Variants in TBC1D16 observed in about 807,000 individuals in gnomAD.
TBC1D16 encodes the protein TBC1 domain family member 16.
A neutral mutation model predicts 74.7 loss-of-function variants in TBC1D16; 58 were observed. That is an observed-to-expected ratio of 0.78 (90% CI 0.63 to 0.97). The LOEUF is 0.97. Among genes scored for constraint, TBC1D16 ranks in the 50% least tolerant of loss-of-function variants. TBC1D16 has a pLI of 0.00. For synonymous variants in TBC1D16, 493 were observed against 474.7 expected, an observed-to-expected ratio of 1.04 and a Z score of -0.50; for missense variants, 1,014 against 1,079.5, an observed-to-expected ratio of 0.94 and a Z score of 0.85.
At position 79,947,828 on chromosome 17, in the gene TBC1D16, C is replaced by T; in HGVS notation, c.1545G>A (p.Arg515=). 1.2e-6 allele frequency: 2 copies of T among 1,612,710 alleles called. No individual in the cohort carries two copies. The highest frequency in any genetic ancestry group is 1.7e-6 in the Non-Finnish European group (2 of 1,179,514). The part of the protein sequence containing the change: ...EDNPNVESMR[R]ILLNYAVYNP... The stretch of plus-strand genomic sequence containing the variant: ...TGTACACGGCGTAGTTCAGCAGGAT[C>T]CTCCTGGGAGGCGGTGGAGACAGCA... The change falls in exon 9 of 12, where the codon AGG becomes AGA. Residue 515 remains arginine, a synonymous_variant. Transcript: ENST00000310924.
chr17:79,957,171 T>C (rs1002260360), intron 3 of TBC1D16, among the ~76,000 whole-genome samples: 7 of 151,934 alleles, frequency 4.6e-5, no homozygotes, highest in African/African-American at 1.7e-4. Flanking sequence ...GAGCAGGGCG[T>C]GTTCGGTGTG....
chr17:79,969,120 C>G (rs2033966871), intron 3 of TBC1D16, among the ~76,000 whole-genome samples: 1 of 152,180 alleles, frequency 6.6e-6, no homozygotes, highest in South Asian at 2.1e-4. Context: ...AGCGTGGTGG[C>G]TCACGCCTGT....
rs1372245554 is a variant in TBC1D16, at chr17:79,980,494, GAC to G, written c.780-27678_780-27677del. ...TGTAACCAGGGTTTGTCCAGAAAAAGACACAGAACCCGCAGGCCCTGGAGGAC... is the reference window on the plus strand; with the variant it reads ...TGTAACCAGGGTTTGTCCAGAAAAAGACAGAACCCGCAGGCCCTGGAGGAC... On this transcript the variant is annotated intron_variant, in intron 3 of 11. Coordinates refer to ENST00000310924, the MANE Select transcript of TBC1D16 (RefSeq NM_019020.4). The surrounding 1 kb of genome is among the most constrained non-coding windows in gnomAD (Gnocchi z 7.0). Among the ~76,000 whole-genome samples the G allele has an allele frequency of 6.6e-6, 1 of 152,180 alleles. No individual in the cohort carries two copies.
chr17:80,013,691 G>A (rs1598427930), intron 1 of TBC1D16, 82 bp from the exon 2 acceptor site: 5 of 811,124 alleles, frequency 6.2e-6, no homozygotes, highest in East Asian at 5.7e-5. Context: ...CTCGGCACCC[G>A]GTGGGTTCTG....
chr17:80,009,623 G>C lies in TBC1D16; in HGVS notation c.779+537C>G, dbSNP rs138557062. Among the ~76,000 whole-genome samples, 15 of 152,356 alleles carry C rather than the reference G, an allele frequency of 9.8e-5. No homozygotes were observed. The highest frequency in any genetic ancestry group is 2.9e-4 in the African/African-American group (12 of 41,598). On this transcript the variant is annotated intron_variant, in intron 3 of 11. Coordinates refer to ENST00000310924, the MANE Select transcript of TBC1D16 (RefSeq NM_019020.4). The surrounding 1 kb of genome is among the most constrained non-coding windows in gnomAD (Gnocchi z 5.4). ...GACTACATCCATCCTCCACAGCTAT[G>C]AGAAAGAGGGAGGCTGAAGCCTCCG... is the stretch of plus-strand genomic sequence containing the variant.
At position 79,947,912 on chromosome 17, in the gene TBC1D16, G is replaced by A. The variant is rs2032696041; in HGVS notation, c.1542-81C>T. On this transcript the variant is annotated intron_variant, in intron 8 of 11. Transcript: ENST00000310924. ...CCCAGCCTGCAGAACCCTGGGCCGT[G>A]GACCCTGCCTTCCCTCGCTTGCCTT... 3 of 1,223,014 alleles carry A rather than the reference G, an allele frequency of 2.5e-6. No homozygotes were observed. In the East Asian group the frequency reaches 7.6e-5, roughly 31 times the overall value. 75.8% of individuals were successfully genotyped at this position (1,223,014 alleles called of 1,614,324 possible). A position where few individuals can be genotyped will look rare whatever the true frequency, so the allele number is the denominator to read the frequency against.
rs141221910 is a variant in TBC1D16 at position 80,010,327 on chromosome 17, G to T, written c.612C>A (p.Pro204=). 6.2e-7 allele frequency: 1 copy of T among 1,610,706 alleles called. No individual in the cohort carries two copies. Among genetic ancestry groups the T allele is most frequent in the Admixed American group, 1.7e-5 (1 of 59,686 alleles). The change falls in exon 3 of 12, where the codon CCC becomes CCA. Residue 204 remains proline (P), a synonymous_variant. Transcript: ENST00000310924. The surrounding 1 kb of genome is among the most constrained non-coding windows in gnomAD (Gnocchi z 8.8). ...AAGAGCCATCCTCCTCCCCGGCCTC[G>T]GGCCGCGGCTCCCGCCCCTCCTCGG... ...DVTEEGREPR[P]EAGEEDGSLE...
chr17:79,995,771 C>A (rs540327504), intron 3 of TBC1D16, among the ~76,000 whole-genome samples: 9 of 151,726 alleles, frequency 5.9e-5, no homozygotes, highest in African/African-American at 2.2e-4. Flanking sequence ...GGCGACAGAG[C>A]GAAACTCTGT....
At chr17:80,024,627 G>GA (rs2036474274) in intron 1 of TBC1D16, among the ~76,000 whole-genome samples, 16 of 21,840 alleles carry the variant, frequency 7.3e-4, no homozygotes, top group Admixed American at 3.5e-3. Flanking sequence ...CACACCATAA[G>GA]CACACACACC....
chr17:80,024,531 A>G, intron 1 of TBC1D16, among the ~76,000 whole-genome samples: 1 of 149,698 alleles, frequency 6.7e-6, no homozygotes, highest in Non-Finnish European at 1.5e-5. Context: ...CACCATGCAC[A>G]CACCACACAC....
chr17:79,996,659 T>C (rs1272322576), intron 3 of TBC1D16, among the ~76,000 whole-genome samples: 2 of 152,066 alleles, frequency 1.3e-5, no homozygotes, highest in Non-Finnish European at 2.9e-5. Flanking sequence ...GGCGGGAGGA[T>C]TGCTTGAGCC....
chr17:80,008,609 G>A lies in TBC1D16; in HGVS notation c.779+1551C>T, dbSNP rs556345271. Among the ~76,000 whole-genome samples, 28 of 152,214 alleles carry A rather than the reference G, an allele frequency of 1.8e-4. No homozygotes were observed. The highest frequency in any genetic ancestry group is 5.5e-4 in the African/African-American group (23 of 41,548). On this transcript the variant is annotated intron_variant, in intron 3 of 11. Transcript: ENST00000310924. The surrounding 1 kb of genome is among the most constrained non-coding windows in gnomAD (Gnocchi z 4.5). ...GGAGCTCCGACTGAGTCCGGCCTGC[G>A]GGACCCAGGCCAGGACCAGAGTTCG...
chr17:79,951,406 G>A (rs900880642), intron 5 of TBC1D16, 44 bp downstream of exon 5: 53 of 1,598,338 alleles, frequency 3.3e-5, no homozygotes, highest in Non-Finnish European at 4.4e-5. Flanking sequence ...TGGGGGGTGG[G>A]GAGTGTCAAC....
Position 79,956,134 on chromosome 17 carries a change from C to T in TBC1D16, c.780-3316G>A, listed in dbSNP as rs1429051309. ...TCAATGGAGGCCGTTCCAGACCCTC[C>T]GCCCACCCAAGCCTCCTGGTGGCTG... On this transcript the variant is annotated intron_variant, in intron 3 of 11. Coordinates refer to ENST00000310924, the MANE Select transcript of TBC1D16 (RefSeq NM_019020.4). This position sits in a 1 kb window ranked among gnomAD's most constrained non-coding sequence, Gnocchi z 4.0. Among the ~76,000 whole-genome samples the T allele has an allele frequency of 5.3e-5, 8 of 152,230 alleles. No homozygotes were observed. Among genetic ancestry groups the T allele is most frequent in the African/African-American group, 1.7e-4 (7 of 41,450 alleles).
chr17:79,948,730 T>C, intron 8 of TBC1D16, 142 bp downstream of exon 8: 1 of 1,149,784 alleles, frequency 8.7e-7, no homozygotes, highest in Non-Finnish European at 1.3e-6. Flanking sequence ...GAGTAGCGTA[T>C]CCTTCACTTC....
chr17:79,939,653 C>A lies in TBC1D16; in HGVS notation c.*1206G>T, dbSNP rs1033988038. ...AGTTCTCACAGCATAGATCGCACAC[C>A]CTTTTCTGTCCATCTCTAAATCCCA... On this transcript the variant is annotated 3_prime_UTR_variant, in exon 12 of 12. Transcript: ENST00000310924. The A allele has an allele frequency of 6.6e-6, 1 of 152,188 alleles. No homozygotes were observed. Among genetic ancestry groups the A allele is most frequent in the African/African-American group, 2.4e-5 (1 of 41,432 alleles). 9.4% of individuals were successfully genotyped at this position (152,188 alleles called of 1,614,324 possible).
chr17:80,022,704 T>C (rs2036327446), intron 1 of TBC1D16, among the ~76,000 whole-genome samples: 1 of 148,794 alleles, frequency 6.7e-6, no homozygotes, highest in Non-Finnish European at 1.5e-5. Flanking sequence ...TGGCACAATC[T>C]TGGCTCACTG....
chr17:80,010,247 T>G lies in TBC1D16; in HGVS notation c.692A>C (p.Asp231Ala). 1 of 1,613,370 alleles carries G rather than the reference T, an allele frequency of 6.2e-7. No individual in the cohort carries two copies. Among genetic ancestry groups the G allele is most frequent in the South Asian group, 1.1e-5 (1 of 91,008 alleles). The stretch of plus-strand genomic sequence containing the variant: ...GAGGCAGAAGGGCGAGGAGAAGGTG[T>G]CTGAGTCTGAGTCAAAGGAGCTGTC... ...SRDSSFDSDS[D>A]TFSSPFCLSP... is the part of the protein sequence containing the mutation. The change falls in exon 3 of 12, where the codon GAC (aspartate) becomes GCC (alanine). Residue 231 changes from aspartate to alanine, a missense_variant. Transcript: ENST00000310924. This position sits in a 1 kb window ranked among gnomAD's most constrained non-coding sequence, Gnocchi z 8.8.
At position 79,985,083 on chromosome 17, in the gene TBC1D16, G is replaced by A. The variant is rs568421671; in HGVS notation, c.779+25077C>T. On this transcript the variant is annotated intron_variant, in intron 3 of 11. Transcript: ENST00000310924. The surrounding 1 kb of genome is among the most constrained non-coding windows in gnomAD (Gnocchi z 4.9). ...GGAGGTCAAAGTCAAGGTGCTAGTC[G>A]GGCCGCGCCCCCTCTGAAGGCTCCA... Among the ~76,000 whole-genome samples the A allele has an allele frequency of 3.3e-5, 5 of 152,178 alleles. No individual in the cohort carries two copies. Among genetic ancestry groups the A allele is most frequent in the African/African-American group, 4.8e-5 (2 of 41,510 alleles).
Sources: gnomAD v4.1 joint callset for allele counts (sites outside exome capture counted in the v4.1 genomes callset) on GRCh38, gnomAD v4.1.1 for gene constraint, Gnocchi (gnomAD v3.1) non-coding constraint, MANE v1.5 for transcripts, NCBI Gene and HGNC (gene_info 2026-07-23, HGNC 2026-07-21) for gene names.